SLC22A2: variants seen among roughly 807,000 people sequenced by gnomAD.
SLC22A2 encodes the protein organic cation transporter 2.
In SLC22A2, 46 loss-of-function variants were observed where a neutral mutation model predicts 60.5. The observed-to-expected ratio is 0.76, with a 90% confidence interval of 0.60 to 0.97. The LOEUF (loss-of-function observed/expected upper bound fraction) is 0.97. SLC22A2 is among the 50% of genes least tolerant of loss of function. The probability of loss-of-function intolerance (pLI) is 0.00; values close to 1 mark genes in which losing one functional copy is unlikely to be tolerated. For synonymous variants in SLC22A2, 303 were observed against 267.0 expected, an observed-to-expected ratio of 1.13 and a Z score of -1.31; for missense variants, 701 against 706.6, an observed-to-expected ratio of 0.99 and a Z score of 0.09.
At chr6:160,218,871 T>TC (rs1782588655) in intron 10 of SLC22A2, among the ~76,000 whole-genome samples, 1 of 1,910 alleles carries the variant, frequency 5.2e-4, no homozygotes, top group African/African-American at 4.2e-3. Context: ...GCCACAGAAA[T>TC]AGCAAAATCA....
In SLC22A2 at chr6:160,217,397, AAGCTAG is replaced by A; in HGVS notation, c.*29_*34del. ...TCTACTTTTGGTCTTGCTGCCATCA[AAGCTAG>A]GTCATGACAGCAGCAACGGTCTCTC... On this transcript the variant is annotated 3_prime_UTR_variant, in exon 11 of 11. Coordinates refer to ENST00000366953, the MANE Select transcript of SLC22A2 (RefSeq NM_003058.4). 1.4e-6 allele frequency: 2 copies of A among 1,419,084 alleles called. No individual in the cohort carries two copies. Among genetic ancestry groups the A allele is most frequent in the Non-Finnish European group, 2.0e-6 (2 of 1,008,822 alleles). The allele number at this position is 1,419,084 out of a possible 1,614,324, so 87.9% of individuals were successfully genotyped here. A position where few individuals can be genotyped will look rare whatever the true frequency, so the allele number is the denominator to read the frequency against.
At position 160,243,797 on chromosome 6, in the gene SLC22A2, A is replaced by G; in HGVS notation, c.1065-11T>C. 1.3e-6 allele frequency: 2 copies of G among 1,597,116 alleles called. No homozygotes were observed. The highest frequency in any genetic ancestry group is 1.7e-6 in the Non-Finnish European group (2 of 1,165,648). On this transcript the variant is annotated splice_polypyrimidine_tract_variant and intron_variant, in intron 6 of 10. Coordinates refer to ENST00000366953, the MANE Select transcript of SLC22A2 (RefSeq NM_003058.4). ...ACAGAGCTCGTGAACCTGAGCAAAG[A>G]GGAGAGTTCAGGTCAAGTCAAGCAC...
At chr6:160,232,780 A>C (rs527579158) in intron 9 of SLC22A2, among the ~76,000 whole-genome samples, 1 of 151,980 alleles carries the variant, frequency 6.6e-6, no homozygotes, top group African/African-American at 2.4e-5. Context: ...AGCAGCTAGC[A>C]TTCCAACTTC....
rs201285798 is a variant in SLC22A2 at position 160,250,504 on chromosome 6, C to T, written c.673+44G>A. On this transcript the variant is annotated intron_variant, in intron 3 of 10. Coordinates refer to ENST00000366953, the MANE Select transcript of SLC22A2 (RefSeq NM_003058.4). Reference sequence around the variant, plus strand: ...CCCCCACCTGACTCTATTTTGGCAGCGAGGTTGCTTTGTTCTCACAGTTGC... The same window carrying T: ...CCCCCACCTGACTCTATTTTGGCAGTGAGGTTGCTTTGTTCTCACAGTTGC... The T allele has an allele frequency of 1.6e-5, 25 of 1,606,346 alleles. No individual in the cohort carries two copies. The Admixed American group carries it at 1.7e-4, about 11-fold the overall frequency.
intron 10 of SLC22A2, among the ~76,000 whole-genome samples, chr6:160,219,084 C>T (rs371263082): frequency 2.9e-4 from 3 of 10,434 alleles, no homozygotes; most frequent in African/African-American, 8.4e-4. Flanking sequence ...GTAGCAGCAT[C>T]AGCAACAATA....
chr6:160,229,000 G>T (rs1013784137), intron 9 of SLC22A2, among the ~76,000 whole-genome samples: 1 of 151,796 alleles, frequency 6.6e-6, no homozygotes, highest in Non-Finnish European at 1.5e-5. Context: ...AAACAGCCTC[G>T]TTGCTCACAC....
At chr6:160,238,797 T>A (rs1782952837) in intron 9 of SLC22A2, among the ~76,000 whole-genome samples, 1 of 152,202 alleles carries the variant, frequency 6.6e-6, no homozygotes, top group African/African-American at 2.4e-5. Flanking sequence ...TTATAATCCT[T>A]TATCTTTCCT....
chr6:160,228,940 C>T (rs989801890), intron 9 of SLC22A2, among the ~76,000 whole-genome samples: 3 of 151,850 alleles, frequency 2.0e-5, no homozygotes, highest in African/African-American at 7.3e-5. Flanking sequence ...CCCCTATCTC[C>T]CTTCGATGAC....
chr6:160,217,343 G>A lies in SLC22A2; in HGVS notation c.*89C>T, dbSNP rs1428490846. On this transcript the variant is annotated 3_prime_UTR_variant, in exon 11 of 11. Coordinates refer to ENST00000366953, the MANE Select transcript of SLC22A2 (RefSeq NM_003058.4). ...GCTCAGGGGTAAGTTTGGTTGAGTT[G>A]TATGGGCTTTGTGATGAGTGCAGGG... 18 of 794,502 alleles carry A rather than the reference G, an allele frequency of 2.3e-5. No homozygotes were observed. The East Asian group carries it at 4.3e-4, about 19-fold the overall frequency. The allele number at this position is 794,502 out of a possible 1,614,324, so 49.2% of individuals were successfully genotyped here.
chr6:160,255,569 A>AATTCATAAT (rs1392091569), intron 2 of SLC22A2, among the ~76,000 whole-genome samples: 2 of 152,074 alleles, frequency 1.3e-5, no homozygotes, highest in Non-Finnish European at 2.9e-5. Flanking sequence ...TTTACATGTA[A>AATTCATAAT]ATTCATAATT....
chr6:160,243,481 G>C, intron 7 of SLC22A2, 91 bp downstream of exon 7: 1 of 994,736 alleles, frequency 1.0e-6, no homozygotes, highest in South Asian at 1.4e-5. Context: ...TGATTTGGAT[G>C]ACAAATTACA....
chr6:160,254,125 A>G (rs977346922), intron 2 of SLC22A2, among the ~76,000 whole-genome samples: 2 of 152,056 alleles, frequency 1.3e-5, no homozygotes, highest in Admixed American at 1.3e-4. Context: ...TAAAAATACA[A>G]AAATTAGCTG....
intron 9 of SLC22A2, among the ~76,000 whole-genome samples, chr6:160,229,068 G>A (rs1032562184): frequency 7.2e-5 from 11 of 151,934 alleles, no homozygotes; most frequent in African/African-American, 1.2e-4. Context: ...TCCGTGACTC[G>A]GATCAGGGGA....
At chr6:160,257,320 C>T (rs1223926400) in intron 1 of SLC22A2, among the ~76,000 whole-genome samples, 1 of 152,168 alleles carries the variant, frequency 6.6e-6, no homozygotes, top group Non-Finnish European at 1.5e-5. Flanking sequence ...CTGCTGAAGG[C>T]TGCTGCATTT....
chr6:160,247,671 A>G (rs1242059889), intron 4 of SLC22A2, among the ~76,000 whole-genome samples: 1 of 152,186 alleles, frequency 6.6e-6, no homozygotes, highest in Non-Finnish European at 1.5e-5. Flanking sequence ...AAGTATGTAT[A>G]TGTGTTATGC....
intron 9 of SLC22A2, among the ~76,000 whole-genome samples, chr6:160,241,083 G>A (rs1311727326): frequency 6.6e-6 from 1 of 152,114 alleles, no homozygotes; most frequent in African/African-American, 2.4e-5. Flanking sequence ...CTCTGGGCAT[G>A]GAGGAGTTAA....
chr6:160,234,320 T>C (rs1562433399), intron 9 of SLC22A2, among the ~76,000 whole-genome samples: 1 of 152,134 alleles, frequency 6.6e-6, no homozygotes, highest in Non-Finnish European at 1.5e-5. Flanking sequence ...CGGACACGAG[T>C]GAAAGTTATT....
chr6:160,254,555 C>T (rs536760327), intron 2 of SLC22A2, among the ~76,000 whole-genome samples: 3 of 152,188 alleles, frequency 2.0e-5, no homozygotes, highest in African/African-American at 4.8e-5. Flanking sequence ...ACATTCTTGT[C>T]CTATTGTATA....
At chr6:160,253,940 C>T (rs1173538776) in intron 2 of SLC22A2, among the ~76,000 whole-genome samples, 1 of 152,108 alleles carries the variant, frequency 6.6e-6, no homozygotes, top group Non-Finnish European at 1.5e-5. Flanking sequence ...GCTTTCCCTC[C>T]CAGAGAACTA....
Sources: gnomAD v4.1 joint callset for allele counts (sites outside exome capture counted in the v4.1 genomes callset) on GRCh38, gnomAD v4.1.1 for gene constraint, MANE v1.5 for transcripts, NCBI Gene and HGNC (gene_info 2026-07-23, HGNC 2026-07-21) for gene names.